The following HUNK variants were observed in gnomAD, a reference collection of about 807,000 sequenced individuals.
The protein encoded by HUNK is hormonally up-regulated neu tumor-associated kinase.
HUNK carries 21 observed loss-of-function variants against 61.0 expected under a neutral mutation model. That is an observed-to-expected ratio of 0.34 (90% CI 0.24 to 0.50). The LOEUF (loss-of-function observed/expected upper bound fraction) is 0.50. Among genes scored for constraint, HUNK ranks in the 20% least tolerant of loss-of-function variants. The pLI is 0.98. For missense variants in HUNK, 772 were observed against 945.7 expected, an observed-to-expected ratio of 0.82 and a Z score of 2.41; for synonymous variants, 371 against 386.1, an observed-to-expected ratio of 0.96 and a Z score of 0.46.
chr21:31,997,865 T>C (rs77146932), intron 10 of HUNK, among the ~76,000 whole-genome samples: 4,565 of 152,250 alleles, frequency 0.03, 228 homozygotes, highest in African/African-American at 0.1. Flanking sequence ...TGCTGTTGAG[T>C]GCATGTACCT....
chr21:31,874,394 C>G (rs1167885417), intron 1 of HUNK, among the ~76,000 whole-genome samples: 2 of 151,928 alleles, frequency 1.3e-5, no homozygotes, highest in Non-Finnish European at 2.9e-5. Context: ...GTCTGATCCC[C>G]GTCCTGGGCT....
chr21:31,976,664 G>T (rs112854780), intron 7 of HUNK, among the ~76,000 whole-genome samples: 7 of 151,328 alleles, frequency 4.6e-5, no homozygotes, highest in African/African-American at 1.7e-4. Flanking sequence ...ATGGAGTTTT[G>T]CCATATTGGC....
Position 31,968,120 on chromosome 21 carries a change from A to T in HUNK, c.875-130A>T, listed in dbSNP as rs2275971. 2.1e-4 allele frequency: 227 copies of T among 1,090,218 alleles called. 3 individuals are homozygous for T. In the East Asian group the frequency reaches 5.4e-3, roughly 26 times the overall value. The allele number at this position is 1,090,218 out of a possible 1,614,324, so 67.5% of individuals were successfully genotyped here. On this transcript the variant is annotated intron_variant, in intron 5 of 10. Transcript: ENST00000270112. ...GAATCGGAACCCTGCCCAGAGACCT[A>T]GAGAAGAGATCACCCCAGCAGTGAC...
At chr21:31,905,147 T>C (rs13049496) in intron 1 of HUNK, among the ~76,000 whole-genome samples, 1 of 151,284 alleles carries the variant, frequency 6.6e-6, no homozygotes, top group African/African-American at 2.4e-5. Context: ...ATCTAATTGG[T>C]GTCTTTATAA....
At chr21:31,926,597 T>A (rs1023419461) in intron 2 of HUNK, among the ~76,000 whole-genome samples, 1 of 152,212 alleles carries the variant, frequency 6.6e-6, no homozygotes, top group Non-Finnish European at 1.5e-5. Context: ...AATTATATAA[T>A]ACCCGGTCTT....
intron 8 of HUNK, among the ~76,000 whole-genome samples, chr21:31,988,686 T>C (rs1568942509): frequency 6.6e-6 from 1 of 151,852 alleles, no homozygotes; most frequent in Non-Finnish European, 1.5e-5. Flanking sequence ...TTTCTTTTCT[T>C]TTTCTTTTTG....
chr21:31,940,476 A>G (rs1375085479), intron 3 of HUNK, among the ~76,000 whole-genome samples: 1 of 152,186 alleles, frequency 6.6e-6, no homozygotes, highest in Non-Finnish European at 1.5e-5. Flanking sequence ...TTAACTGGAA[A>G]ACTTCTTTAA....
In HUNK at chr21:31,924,286, T is replaced by TGTGTGTGTG. The variant is rs367852433; in HGVS notation, c.262-182_262-181insGTGTGTGTG. Among the ~76,000 whole-genome samples the TGTGTGTGTG allele has an allele frequency of 4.7e-3, 650 of 138,370 alleles. 3 individuals are homozygous for TGTGTGTGTG. Among genetic ancestry groups the TGTGTGTGTG allele is most frequent in the African/African-American group, 0.017 (623 of 37,240 alleles). The allele number at this position is 138,370 out of a possible 152,430, so 90.8% of individuals were successfully genotyped here. A position where few individuals can be genotyped will look rare whatever the true frequency, so the allele number is the denominator to read the frequency against. ...CCTATATGTGTGTGTGTGTGTGTGTTTGTGTGGTATATGCATAAATATAAA... is the reference window on the plus strand; with the variant it reads ...CCTATATGTGTGTGTGTGTGTGTGTTGTGTGTGTGTGTGTGGTATATGCATAAATATAAA... On this transcript the variant is annotated intron_variant, in intron 1 of 10. Transcript: ENST00000270112. The surrounding 1 kb of genome is among the most constrained non-coding windows in gnomAD (Gnocchi z 5.1).
intron 10 of HUNK, among the ~76,000 whole-genome samples, chr21:31,998,094 AT>A (rs890212098): frequency 1.3e-4 from 19 of 151,900 alleles, no homozygotes; most frequent in Non-Finnish European, 2.2e-4. Context: ...ATTTTTTAAA[AT>A]TTTTTTAGAG....
At chr21:31,968,940 G>A (rs772017080) in intron 6 of HUNK, among the ~76,000 whole-genome samples, 5 of 151,382 alleles carry the variant, frequency 3.3e-5, no homozygotes, top group African/African-American at 9.7e-5. Context: ...GTGCAGTGGC[G>A]TAATCTCAGA....
At chr21:31,934,716 G>A (rs1477268170) in intron 2 of HUNK, among the ~76,000 whole-genome samples, 2 of 152,114 alleles carry the variant, frequency 1.3e-5, no homozygotes, top group East Asian at 1.9e-4. Context: ...GTGTCCATAT[G>A]TACCCAATGT....
chr21:31,881,794 C>T lies in HUNK; in HGVS notation c.261+7859C>T, dbSNP rs376653747. Reference sequence around the variant, plus strand: ...CCCTACCTTGCTGCTCGACTGTGGTCTCTCTCCCTGCAATGAGGGAGCAGC... The same window carrying T: ...CCCTACCTTGCTGCTCGACTGTGGTTTCTCTCCCTGCAATGAGGGAGCAGC... On this transcript the variant is annotated intron_variant, in intron 1 of 10. Transcript: ENST00000270112. Among the ~76,000 whole-genome samples, 24 of 152,292 alleles carry T rather than the reference C, an allele frequency of 1.6e-4. No homozygotes were observed. In the East Asian group the frequency reaches 3.3e-3, roughly 21 times the overall value.
intron 1 of HUNK, among the ~76,000 whole-genome samples, chr21:31,905,222 G>A (rs1044446787): frequency 2.6e-5 from 4 of 152,146 alleles, no homozygotes; most frequent in Non-Finnish European, 4.4e-5. Context: ...GATGATAAAT[G>A]GGGTAATAGG....
chr21:31,968,349 C>T lies in HUNK; in HGVS notation c.974C>T (p.Thr325Met), dbSNP rs184771754. ...AATCGCTGGCTTAATGAGAATTACA[C>T]GGGCAAAGTGCCCTGTAATGTCACC... ...LANRWLNENYTGKVPCNVTYP... is the reference protein window; with the variant it reads ...LANRWLNENYMGKVPCNVTYP... The change falls in exon 6 of 11, where the codon ACG becomes ATG. Residue 325 changes from threonine to methionine, a missense_variant. Transcript: ENST00000270112. 61 of 1,614,216 alleles carry T rather than the reference C, an allele frequency of 3.8e-5. No homozygotes were observed. The highest frequency in any genetic ancestry group is 1.0e-4 in the Admixed American group (6 of 60,032).
intron 1 of HUNK, among the ~76,000 whole-genome samples, chr21:31,887,223 CA>C (rs1451133002): frequency 2.0e-5 from 3 of 152,160 alleles, no homozygotes; most frequent in Non-Finnish European, 4.4e-5. Context: ...CAGAACCAGA[CA>C]GTATTTTGCA....
intron 8 of HUNK, among the ~76,000 whole-genome samples, chr21:31,988,765 C>G (rs1374935910): frequency 2.0e-5 from 3 of 148,832 alleles, no homozygotes; most frequent in African/African-American, 7.5e-5. Context: ...TTCCCTCCCT[C>G]CCTCCTTTCT....
chr21:31,885,735 G>T (rs1187789016), intron 1 of HUNK, among the ~76,000 whole-genome samples: 2 of 151,958 alleles, frequency 1.3e-5, no homozygotes, highest in African/African-American at 2.4e-5. Flanking sequence ...GTTCCCTTTT[G>T]TATTTTTTTA....
chr21:31,881,231 G>A (rs1262509697), intron 1 of HUNK, among the ~76,000 whole-genome samples: 4 of 152,326 alleles, frequency 2.6e-5, no homozygotes, highest in Admixed American at 6.5e-5. Flanking sequence ...ATACCATATG[G>A]ACCGTAGACA....
chr21:31,927,948 CTT>C (rs2052672334), intron 2 of HUNK, among the ~76,000 whole-genome samples: 1 of 152,226 alleles, frequency 6.6e-6, no homozygotes, highest in African/African-American at 2.4e-5. Flanking sequence ...CATTAGAACT[CTT>C]TGGGCTTAGA....
Sources: gnomAD v4.1 joint callset for allele counts (sites outside exome capture counted in the v4.1 genomes callset) on GRCh38, gnomAD v4.1.1 for gene constraint, Gnocchi (gnomAD v3.1) non-coding constraint, MANE v1.5 for transcripts, NCBI Gene and HGNC (gene_info 2026-07-23, HGNC 2026-07-21) for gene names.